MEPE: variants seen among roughly 807,000 people sequenced by gnomAD.
The protein encoded by MEPE is matrix extracellular phosphoglycoprotein.
A neutral mutation model predicts 7.3 loss-of-function variants in MEPE; 7 were observed. That is an observed-to-expected ratio of 0.95 (90% CI 0.54 to 1.79). MEPE has a LOEUF of 1.79. Ranked by LOEUF, MEPE falls within the 40% of genes most tolerant of loss-of-function variation. The pLI is 0.00. For missense variants in MEPE, 623 were observed against 628.2 expected, an observed-to-expected ratio of 0.99 and a Z score of 0.09; for synonymous variants, 214 against 213.1, an observed-to-expected ratio of 1.00 and a Z score of -0.04.
chr4:87,824,118 C>G (rs973164109), intron 1 of MEPE, among the ~76,000 whole-genome samples: 5 of 152,168 alleles, frequency 3.3e-5, no homozygotes. Flanking sequence ...AATATAAATT[C>G]TGCCCTCACT....
intron 1 of MEPE, chr4:87,821,535 G>C (rs1489467421): frequency 6.6e-6 from 1 of 152,208 alleles, no homozygotes; most frequent in Non-Finnish European, 1.5e-5. Context: ...GGTACATATA[G>C]TTTGAATTTA....
upstream of MEPE, among the ~76,000 whole-genome samples, chr4:87,831,992 T>C (rs964335679): frequency 2.6e-5 from 4 of 152,008 alleles, no homozygotes. Flanking sequence ...GGCTGGGAAT[T>C]CCGCAATGAA....
intron 2 of MEPE, 106 bp from the exon 3 acceptor site, chr4:87,838,526 G>A (rs1010095148): frequency 1.1e-5 from 11 of 967,462 alleles, no homozygotes; most frequent in African/African-American, 1.6e-5. Flanking sequence ...TTTCCACAGT[G>A]AATAATACAA....
intron 3 of MEPE, among the ~76,000 whole-genome samples, chr4:87,840,285 G>T (rs1722965800): frequency 6.6e-6 from 1 of 152,106 alleles, no homozygotes; most frequent in Non-Finnish European, 1.5e-5. Context: ...TGAGGCCCTT[G>T]TCACTACAAT....
intron 3 of MEPE, among the ~76,000 whole-genome samples, chr4:87,843,420 G>A (rs1280400108): frequency 1.3e-5 from 2 of 152,004 alleles, no homozygotes; most frequent in African/African-American, 2.4e-5. Flanking sequence ...CAGGATCACT[G>A]CCTTTGCCAA....
At chr4:87,843,075 T>G (rs1723076524) in intron 3 of MEPE, among the ~76,000 whole-genome samples, 1 of 152,214 alleles carries the variant, frequency 6.6e-6, no homozygotes. Flanking sequence ...TTTTAGTTAT[T>G]AAGGCTTTTT....
At chr4:87,834,602 G>A in intron 1 of MEPE, 101 bp from the exon 2 acceptor site, 2 of 857,846 alleles carry the variant, frequency 2.3e-6, no homozygotes, top group Non-Finnish European at 3.7e-6. Flanking sequence ...GAACTGCCAA[G>A]GGGAAGGGTG....
In MEPE at chr4:87,845,440, C is replaced by T. The variant is rs773178722; in HGVS notation, c.572C>T (p.Ser191Leu). ...AGTATGAATTATGCTAAAGCACACT[C>T]GAAGGATAAAAAGAAGCCTCAAAGA... ...PASMNYAKAH[S>L]KDKKKPQRDS... is the part of the protein sequence containing the mutation. Residue 191 changes from serine (S) to leucine (L), a missense_variant, in exon 4 of 4, where the codon TCG becomes TTG. Transcript: ENST00000361056. The T allele has an allele frequency of 2.7e-5, 43 of 1,613,734 alleles. No individual in the cohort carries two copies. Among genetic ancestry groups the T allele is most frequent in the South Asian group, 2.0e-4 (18 of 91,072 alleles).
In MEPE at chr4:87,838,656, A is replaced by C. The variant is rs1389510940; in HGVS notation, c.79A>C (p.Thr27Pro). The C allele has an allele frequency of 1.9e-6, 3 of 1,613,622 alleles. No individual in the cohort carries two copies. The highest frequency in any genetic ancestry group is 2.2e-5 in the East Asian group (1 of 44,858). Residue 27 changes from threonine to proline, a missense_variant, in exon 3 of 4, where the codon ACT becomes CCT. Coordinates refer to ENST00000361056, the MANE Select transcript of MEPE (RefSeq NM_020203.6). ...APTFQPQTEK[T>P]KQSCVEEQRQ... ...GACATTTCAACCACAGACTGAGAAA[A>C]CTAAGCAAAGCTGTGTGGAAGAGCA... is the stretch of plus-strand genomic sequence containing the variant.
At chr4:87,833,696 T>G (rs2109995204) in intron 1 of MEPE, among the ~76,000 whole-genome samples, 1 of 152,292 alleles carries the variant, frequency 6.6e-6, no homozygotes. Context: ...CATGTTGACT[T>G]TTTTCCAATC....
Position 87,826,380 on chromosome 4 carries a change from G to GTT in MEPE, c.-13+4919_-13+4920dup, listed in dbSNP as rs34088812. Among the ~76,000 whole-genome samples the GTT allele has an allele frequency of 7.3e-4, 107 of 146,844 alleles. 1 individual carries two copies. Among genetic ancestry groups the GTT allele is most frequent in the Middle Eastern group, 3.5e-3 (1 of 282 alleles). On this transcript the variant is annotated intron_variant, in intron 1 of 3. Transcript: ENST00000424957. ...ACTGCAGGTGCACACCACCACAACA[G>GTT]TTTTTTTTTTTGTTTTTGTTTTTTG... is the stretch of plus-strand genomic sequence containing the variant.
At position 87,845,472 on chromosome 4, in the gene MEPE, C is replaced by A; in HGVS notation, c.604C>A (p.Gln202Lys). ...KDKKKPQRDS[Q>K]AQKSPVKSKS... ...TAAAAAGAAGCCTCAAAGAGATTCC[C>A]AAGCCCAGAAAAGTCCAGTAAAAAG... Residue 202 changes from glutamine (Q) to lysine (K), a missense_variant, in exon 4 of 4, where the codon CAA becomes AAA. Physicochemically the swap from Gln to Lys is moderately conservative, Grantham distance 53 (BLOSUM62 1). Transcript: ENST00000361056. The A allele has an allele frequency of 6.2e-7, 1 of 1,613,818 alleles. No homozygotes were observed. The highest frequency in any genetic ancestry group is 1.3e-5 in the African/African-American group (1 of 74,996).
At chr4:87,838,534 C>CT (rs1287542403) in intron 2 of MEPE, 98 bp from the exon 3 acceptor site, 2 of 1,063,544 alleles carry the variant, frequency 1.9e-6, no homozygotes, top group Non-Finnish European at 2.9e-6. Flanking sequence ...GTGAATAATA[C>CT]AACTCAGTGA....
intron 3 of MEPE, chr4:87,839,930 C>T (rs1347634576): frequency 1.3e-6 from 2 of 1,536,526 alleles, no homozygotes; most frequent in African/African-American, 1.4e-5. Flanking sequence ...TCCCCAGGCT[C>T]CTCAAGCCTC....
chr4:87,846,505 G>T lies in MEPE; in HGVS notation c.*59G>T. 6.5e-7 allele frequency: 1 copy of T among 1,536,236 alleles called. No individual in the cohort carries two copies. The highest frequency in any genetic ancestry group is 8.8e-7 in the Non-Finnish European group (1 of 1,141,890). On this transcript the variant is annotated 3_prime_UTR_variant, in exon 4 of 4. Coordinates refer to ENST00000361056, the MANE Select transcript of MEPE (RefSeq NM_020203.6). Reference sequence around the variant, plus strand: ...AAGACCTCGTCACCTGTGAGTTGATGTAGAGGAGAGCCACCTGACAGCTGA... The same window carrying T: ...AAGACCTCGTCACCTGTGAGTTGATTTAGAGGAGAGCCACCTGACAGCTGA...
At position 87,845,471 on chromosome 4, in the gene MEPE, C is replaced by T; in HGVS notation, c.603C>T (p.Ser201=). 1 of 1,613,778 alleles carries T rather than the reference C, an allele frequency of 6.2e-7. No homozygotes were observed. Residue 201 remains serine (S), a synonymous_variant, in exon 4 of 4, where the codon TCC becomes TCT. Transcript: ENST00000361056. ...ATAAAAAGAAGCCTCAAAGAGATTC[C>T]CAAGCCCAGAAAAGTCCAGTAAAAA... The part of the protein sequence containing the change: ...SKDKKKPQRD[S]QAQKSPVKSK...
At chr4:87,822,604 T>C (rs575966607) in intron 1 of MEPE, among the ~76,000 whole-genome samples, 6 of 152,324 alleles carry the variant, frequency 3.9e-5, no homozygotes, top group African/African-American at 1.2e-4. Context: ...TTCCATAGAA[T>C]GACACTGAAC....
At chr4:87,834,309 T>G (rs1722696663) in intron 1 of MEPE, among the ~76,000 whole-genome samples, 1 of 152,160 alleles carries the variant, frequency 6.6e-6, no homozygotes, top group Admixed American at 6.5e-5. Context: ...CCTGACAAAC[T>G]TAGAGTGTGT....
chr4:87,843,595 A>C (rs1723096845), intron 3 of MEPE, among the ~76,000 whole-genome samples: 1 of 152,206 alleles, frequency 6.6e-6, no homozygotes, highest in South Asian at 2.1e-4. Context: ...TTTGGGGGTG[A>C]AAAGAAAAAA....
Sources: allele counts gnomAD v4.1 joint callset (sites outside exome capture counted in the v4.1 genomes callset), GRCh38; gene constraint gnomAD v4.1.1; transcripts MANE v1.5; gene names NCBI Gene and HGNC (gene_info 2026-07-23, HGNC 2026-07-21).